KLF12: variants seen among roughly 807,000 people sequenced by gnomAD.
The protein encoded by KLF12 is KLF transcription factor 12, also known as Krueppel-like factor 12.
In KLF12, 9 loss-of-function variants were observed where a neutral mutation model predicts 37.8. That is an observed-to-expected ratio of 0.24 (90% CI 0.14 to 0.42). The LOEUF (loss-of-function observed/expected upper bound fraction) is 0.42. KLF12 is among the 10% of genes least tolerant of loss of function. The probability of loss-of-function intolerance (pLI) is 1.00; values close to 1 mark genes in which losing one functional copy is unlikely to be tolerated. For missense variants in KLF12, 411 were observed against 516.0 expected (o/e 0.80, Z 1.97); for synonymous variants, 208 against 202.1 (o/e 1.03, Z -0.25).
chr13:73,760,289 T>C (rs1879463246), intron 6 of KLF12, among the ~76,000 whole-genome samples: 1 of 152,150 alleles, frequency 6.6e-6, no homozygotes, highest in African/African-American at 2.4e-5. Flanking sequence ...TAGAGAAAAC[T>C]ACAAAATTAC....
At chr13:73,813,776 G>A (rs898549894) in intron 4 of KLF12, among the ~76,000 whole-genome samples, 9 of 152,132 alleles carry the variant, frequency 5.9e-5, no homozygotes, top group African/African-American at 2.2e-4. Flanking sequence ...GAAAGTATAC[G>A]TATTTTTCTT....
chr13:74,299,675 G>A, the KLF12 span, among the ~76,000 whole-genome samples: 7 of 152,164 alleles, frequency 4.6e-5, no homozygotes, highest in South Asian at 1.0e-3. Context: ...GCCATAGAGA[G>A]TTTTGATGAA....
At chr13:74,300,980 T>C in the KLF12 span, among the ~76,000 whole-genome samples, 6 of 152,124 alleles carry the variant, frequency 3.9e-5, no homozygotes, top group South Asian at 2.1e-4. Flanking sequence ...AGGACAATGA[T>C]TAAGCAAATA....
At chr13:73,925,165 T>C (rs948976871) in intron 3 of KLF12, among the ~76,000 whole-genome samples, 39 of 152,340 alleles carry the variant, frequency 2.6e-4, no homozygotes, top group African/African-American at 7.2e-4. Context: ...AGAATATACA[T>C]TAAACAACAG....
chr13:74,171,518 GC>G, the KLF12 span, among the ~76,000 whole-genome samples: 1 of 152,134 alleles, frequency 6.6e-6, no homozygotes, highest in Non-Finnish European at 1.5e-5. Context: ...ATACATCTTT[GC>G]CTGTGGAGGC....
At chr13:74,218,202 G>A in the KLF12 span, among the ~76,000 whole-genome samples, 1 of 152,124 alleles carries the variant, frequency 6.6e-6, no homozygotes, top group Non-Finnish European at 1.5e-5. Context: ...CCTTCTTGAG[G>A]CAATAGATAG....
At chr13:73,930,739 C>T (rs1203211997) in intron 3 of KLF12, among the ~76,000 whole-genome samples, 1 of 151,348 alleles carries the variant, frequency 6.6e-6, no homozygotes, top group Admixed American at 6.6e-5. Context: ...TTTGATTTTA[C>T]AGTATAAACA....
intron 3 of KLF12, among the ~76,000 whole-genome samples, chr13:73,884,533 A>G (rs573852787): frequency 6.6e-6 from 1 of 152,298 alleles, no homozygotes; most frequent in East Asian, 1.9e-4. Context: ...ACCCCTCACC[A>G]CAGAATGAGG....
chr13:73,784,264 A>G (rs1032984464), intron 5 of KLF12, among the ~76,000 whole-genome samples: 1 of 152,096 alleles, frequency 6.6e-6, no homozygotes, highest in Non-Finnish European at 1.5e-5. Context: ...CTCTCTCATT[A>G]TATCAACCCT....
intron 5 of KLF12, chr13:73,800,800 T>C (rs546668282): frequency 1.3e-5 from 2 of 152,240 alleles, no homozygotes; most frequent in African/African-American, 4.8e-5. Context: ...ATATATCAGA[T>C]AGTTTTAAAA....
intron 1 of KLF12, among the ~76,000 whole-genome samples, chr13:74,117,625 C>A (rs1877384009): frequency 6.6e-6 from 1 of 152,020 alleles, no homozygotes; most frequent in Non-Finnish European, 1.5e-5. Context: ...TGGCAAATAC[C>A]ACTTTAACCA....
Position 73,904,155 on chromosome 13 carries a change from T to C in KLF12, c.123+39826A>G, listed in dbSNP as rs954061618. On this transcript the variant is annotated intron_variant, in intron 3 of 7. Transcript: ENST00000377669. ...CAATGGAGATATAACAGCTCAGAAA[T>C]AGGCAATCGTGACTTTCAGATTTTA... Among the ~76,000 whole-genome samples, 3 of 152,188 alleles carry C rather than the reference T, an allele frequency of 2.0e-5. No homozygotes were observed. The South Asian group carries it at 6.2e-4, about 32-fold the overall frequency.
chr13:74,127,648 T>C (rs1234699467), intron 1 of KLF12, among the ~76,000 whole-genome samples: 1 of 152,260 alleles, frequency 6.6e-6, no homozygotes. Context: ...AAAAATTGTT[T>C]TTGTTTCTTT....
intron 2 of KLF12, among the ~76,000 whole-genome samples, chr13:73,955,169 T>C (rs1008658620): frequency 6.6e-6 from 1 of 152,192 alleles, no homozygotes; most frequent in Non-Finnish European, 1.5e-5. Context: ...CAAATGTTAA[T>C]AGGTAATATT....
chr13:74,273,497 G>T, the KLF12 span, among the ~76,000 whole-genome samples: 1 of 150,204 alleles, frequency 6.7e-6, no homozygotes, highest in Admixed American at 6.6e-5. Context: ...TATTTGTGAA[G>T]TTTTCCCTTT....
At chr13:73,985,652 T>C (rs556219360) in intron 2 of KLF12, among the ~76,000 whole-genome samples, 1 of 152,284 alleles carries the variant, frequency 6.6e-6, no homozygotes, top group South Asian at 2.1e-4. Context: ...GCCTTTCATT[T>C]TCCCCTAGAT....
chr13:73,847,685 T>A (rs1359711181), intron 3 of KLF12, among the ~76,000 whole-genome samples: 1 of 152,122 alleles, frequency 6.6e-6, no homozygotes, highest in East Asian at 1.9e-4. Context: ...TACTTACCTA[T>A]AAAAACAAAT....
intron 1 of KLF12, among the ~76,000 whole-genome samples, chr13:74,002,617 C>T (rs1269916038): frequency 6.6e-6 from 1 of 152,170 alleles, no homozygotes; most frequent in Non-Finnish European, 1.5e-5. Flanking sequence ...ACATTCTTGT[C>T]TCAGGCTCCC....
At chr13:74,065,240 A>ATATG (rs1461134220) in intron 1 of KLF12, among the ~76,000 whole-genome samples, 1 of 151,626 alleles carries the variant, frequency 6.6e-6, no homozygotes, top group Non-Finnish European at 1.5e-5. Flanking sequence ...ATATATATAT[A>ATATG]CACACTGTAT....
Sources: allele counts gnomAD v4.1 joint callset (sites outside exome capture counted in the v4.1 genomes callset), GRCh38; gene constraint gnomAD v4.1.1; transcripts MANE v1.5; gene names NCBI Gene and HGNC (gene_info 2026-07-23, HGNC 2026-07-21).